Variants in FAM110B observed in about 807,000 individuals in gnomAD.
FAM110B encodes family with sequence similarity 110 member B, also known as protein FAM110B.
Under a neutral mutation model 20.4 loss-of-function variants are expected in FAM110B, and 6 were observed. The ratio of observed to expected loss-of-function variants is 0.29; its 90% CI spans 0.16 to 0.58. The LOEUF (loss-of-function observed/expected upper bound fraction) is 0.58. Ranked by LOEUF, FAM110B falls within the 20% of genes least tolerant of loss-of-function variation. FAM110B has a pLI of 0.90. For missense variants in FAM110B, 434 were observed against 498.2 expected, an observed-to-expected ratio of 0.87 and a Z score of 1.23; for synonymous variants, 226 against 214.1, an observed-to-expected ratio of 1.06 and a Z score of -0.49.
chr8:58,121,668 C>A (rs1807363918), intron 3 of FAM110B, among the ~76,000 whole-genome samples: 1 of 152,168 alleles, frequency 6.6e-6, no homozygotes, highest in Non-Finnish European at 1.5e-5. Flanking sequence ...ACAAAGTCTT[C>A]TTTTTATAGA....
chr8:58,006,923 A>ATATATATATTTTTTTTTT lies in FAM110B; in HGVS notation c.-512+12118_-512+12119insATATATATTTTTTTTTTT. The stretch of plus-strand genomic sequence containing the variant: ...TTGGTATATATATATATATATATAT[A>ATATATATATTTTTTTTTT]TTTTTCCAAAACCAGAGTTTGCATT... On this transcript the variant is annotated intron_variant, in intron 1 of 3. Coordinates refer to ENST00000519262, the MANE Select transcript of FAM110B (RefSeq NM_001377989.1). Among the ~76,000 whole-genome samples the ATATATATATTTTTTTTTT allele has an allele frequency of 4.3e-4, 55 of 126,522 alleles. 1 individual carries two copies. The East Asian group carries it at 4.4e-3, about 10-fold the overall frequency. 83.0% of individuals were successfully genotyped at this position (126,522 alleles called of 152,430 possible).
At chr8:58,069,268 A>G (rs1805838899) in intron 2 of FAM110B, among the ~76,000 whole-genome samples, 1 of 152,234 alleles carries the variant, frequency 6.6e-6, no homozygotes, top group Admixed American at 6.5e-5. Context: ...ACTACTCATT[A>G]GAGCTTAGTA....
chr8:58,019,502 T>C (rs117151923), intron 1 of FAM110B, among the ~76,000 whole-genome samples: 38 of 152,292 alleles, frequency 2.5e-4, no homozygotes, highest in African/African-American at 8.2e-4. Context: ...CCCTTCAGCC[T>C]GAAGAACTTT....
At chr8:57,999,644 A>G (rs1804254402) in intron 1 of FAM110B, among the ~76,000 whole-genome samples, 1 of 152,174 alleles carries the variant, frequency 6.6e-6, no homozygotes, top group Non-Finnish European at 1.5e-5. Flanking sequence ...TAGAGGACGT[A>G]TTGTGTGCCA....
chr8:58,039,327 T>A (rs1333975620), intron 2 of FAM110B, among the ~76,000 whole-genome samples: 1 of 152,192 alleles, frequency 6.6e-6, no homozygotes, highest in Non-Finnish European at 1.5e-5. Flanking sequence ...CTGTAATGTG[T>A]CCAGTCCCTG....
intron 3 of FAM110B, among the ~76,000 whole-genome samples, chr8:58,144,607 T>G (rs569632478): frequency 5.9e-5 from 9 of 152,340 alleles, no homozygotes; most frequent in African/African-American, 2.2e-4. Flanking sequence ...TTCAGGAAAT[T>G]ATAAGGAGAA....
At chr8:58,126,211 C>G (rs572888264) in intron 3 of FAM110B, among the ~76,000 whole-genome samples, 1 of 151,822 alleles carries the variant, frequency 6.6e-6, no homozygotes, top group African/African-American at 2.4e-5. Context: ...ACATCCCAGT[C>G]GTTGCATGCC....
chr8:58,069,620 G>A (rs2150589587), intron 2 of FAM110B, among the ~76,000 whole-genome samples: 1 of 152,286 alleles, frequency 6.6e-6, no homozygotes, highest in East Asian at 1.9e-4. Context: ...CTGTAGTCAA[G>A]ATTATGATTT....
intron 3 of FAM110B, among the ~76,000 whole-genome samples, chr8:58,112,426 A>G (rs1156522321): frequency 6.6e-6 from 1 of 152,262 alleles, no homozygotes; most frequent in Non-Finnish European, 1.5e-5. Flanking sequence ...TTGAAAAATC[A>G]TGTACAGCCC....
At chr8:58,115,214 A>G (rs1807171841) in intron 3 of FAM110B, among the ~76,000 whole-genome samples, 1 of 152,032 alleles carries the variant, frequency 6.6e-6, no homozygotes, top group Non-Finnish European at 1.5e-5. Context: ...TAGAATGACA[A>G]AAAGTAATTC....
At chr8:58,100,329 G>A (rs1005951465) in intron 3 of FAM110B, among the ~76,000 whole-genome samples, 3 of 151,934 alleles carry the variant, frequency 2.0e-5, no homozygotes, top group Admixed American at 6.5e-5. Context: ...AGCTGGGTGG[G>A]CTCCTTCAAA....
At chr8:58,136,454 C>T (rs533839304) in intron 3 of FAM110B, among the ~76,000 whole-genome samples, 2 of 152,238 alleles carry the variant, frequency 1.3e-5, no homozygotes, top group East Asian at 3.9e-4. Context: ...AAGCTCTCCA[C>T]AGGAGAGGAA....
intron 2 of FAM110B, among the ~76,000 whole-genome samples, chr8:58,072,481 G>C (rs139928629): frequency 6.6e-6 from 1 of 152,280 alleles, no homozygotes; most frequent in African/African-American, 2.4e-5. Flanking sequence ...AATTAAACAA[G>C]TGTTATTTAT....
intron 3 of FAM110B, among the ~76,000 whole-genome samples, chr8:58,125,898 AC>A (rs1807489547): frequency 6.9e-6 from 1 of 145,808 alleles, no homozygotes; most frequent in Non-Finnish European, 1.5e-5. Flanking sequence ...TTCATGTGTC[AC>A]CCGGTACCCT....
chr8:58,081,538 C>T (rs181249033), intron 3 of FAM110B, among the ~76,000 whole-genome samples: 1 of 152,284 alleles, frequency 6.6e-6, no homozygotes, highest in East Asian at 1.9e-4. Context: ...CATCCTGTTA[C>T]TTCCCTGCTC....
chr8:58,019,712 CATT>C (rs1437825714), intron 1 of FAM110B, among the ~76,000 whole-genome samples: 2 of 152,024 alleles, frequency 1.3e-5, no homozygotes, highest in African/African-American at 4.8e-5. Context: ...AGTTGGCTAT[CATT>C]ATTATCTTTG....
chr8:58,035,259 A>G (rs1805053411), intron 2 of FAM110B, among the ~76,000 whole-genome samples: 1 of 152,202 alleles, frequency 6.6e-6, no homozygotes, highest in South Asian at 2.1e-4. Flanking sequence ...CTTATGTTAT[A>G]TGGTTGTTAT....
At chr8:57,995,770 G>T (rs1804172902) in intron 1 of FAM110B, among the ~76,000 whole-genome samples, 1 of 152,246 alleles carries the variant, frequency 6.6e-6, no homozygotes, top group Admixed American at 6.5e-5. Context: ...ACACAGAAAA[G>T]TGCAGGCTTT....
At chr8:58,029,071 A>G (rs1804914223) in intron 1 of FAM110B, among the ~76,000 whole-genome samples, 1 of 152,220 alleles carries the variant, frequency 6.6e-6, no homozygotes, top group Non-Finnish European at 1.5e-5. Flanking sequence ...GAGTCAACAC[A>G]TGACTGTTGT....
Sources: allele counts gnomAD v4.1 joint callset (sites outside exome capture counted in the v4.1 genomes callset), GRCh38; gene constraint gnomAD v4.1.1; transcripts MANE v1.5; gene names NCBI Gene and HGNC (gene_info 2026-07-23, HGNC 2026-07-21).